KIAA1217: variants seen among roughly 807,000 people sequenced by gnomAD.
KIAA1217 encodes the protein sickle tail protein homolog.
Under a neutral mutation model 163.9 loss-of-function variants are expected in KIAA1217, and 88 were observed. That is an observed-to-expected ratio of 0.54 (90% CI 0.45 to 0.64). The LOEUF (loss-of-function observed/expected upper bound fraction) is 0.64. Among genes scored for constraint, KIAA1217 ranks in the 30% least tolerant of loss-of-function variants. KIAA1217 has a pLI of 0.00. For synonymous variants in KIAA1217, 903 were observed against 923.1 expected, an observed-to-expected ratio of 0.98 and a Z score of 0.39; for missense variants, 2,372 against 2,475.0, an observed-to-expected ratio of 0.96 and a Z score of 0.88.
chr10:24,502,587 C>A (rs924623320), intron 9 of KIAA1217, among the ~76,000 whole-genome samples: 1 of 152,134 alleles, frequency 6.6e-6, no homozygotes, highest in Non-Finnish European at 1.5e-5. Context: ...CTCTGTGCAC[C>A]TTCTCCCACC....
chr10:24,521,198 G>A (rs1422065381), intron 11 of KIAA1217, among the ~76,000 whole-genome samples: 1 of 151,958 alleles, frequency 6.6e-6, no homozygotes, highest in Non-Finnish European at 1.5e-5. Flanking sequence ...GCTGGGCATG[G>A]TGGCACAAAC....
At chr10:24,361,982 C>CAAAAAAAAAAAAAA (rs68117028) in intron 2 of KIAA1217, among the ~76,000 whole-genome samples, 9 of 100,560 alleles carry the variant, frequency 8.9e-5, no homozygotes, top group South Asian at 3.6e-4. Flanking sequence ...GACTCTGTCT[C>CAAAAAAAAAAAAAA]AAAAAAAAAA....
intron 9 of KIAA1217, among the ~76,000 whole-genome samples, 181 bp downstream of exon 9, chr10:24,501,726 C>CTTTTTT (rs1554909743): frequency 1.8e-5 from 2 of 111,528 alleles, no homozygotes; most frequent in African/African-American, 3.1e-5. Flanking sequence ...TCTATAACCA[C>CTTTTTT]TTCTTTTTTT....
intron 2 of KIAA1217, chr10:24,239,005 G>GT (rs956743957): frequency 9.5e-6 from 2 of 209,752 alleles, no homozygotes; most frequent in Non-Finnish European, 1.7e-5. Context: ...TCAGACGATT[G>GT]TTTAAGTCTT....
intron 1 of KIAA1217, among the ~76,000 whole-genome samples, chr10:23,718,569 G>C (rs1199696613): frequency 9.2e-5 from 14 of 151,894 alleles, no homozygotes; most frequent in Non-Finnish European, 1.5e-5. Flanking sequence ...AAGAGGATGT[G>C]GGTGGATAAA....
intron 1 of KIAA1217, among the ~76,000 whole-genome samples, chr10:23,786,408 G>T (rs1426206845): frequency 6.6e-6 from 1 of 151,976 alleles, no homozygotes; most frequent in African/African-American, 2.4e-5. Flanking sequence ...TCACAGTCAT[G>T]CCTCTATGAC....
intron 6 of KIAA1217, among the ~76,000 whole-genome samples, chr10:24,493,878 T>A (rs1035073579): frequency 6.6e-6 from 1 of 152,178 alleles, no homozygotes; most frequent in Admixed American, 6.5e-5. Flanking sequence ...CAAGCTGGTC[T>A]CAAACTCCTG....
intron 1 of KIAA1217, among the ~76,000 whole-genome samples, chr10:23,862,031 C>T (rs972432494): frequency 6.6e-6 from 1 of 152,102 alleles, no homozygotes; most frequent in African/African-American, 2.4e-5. Context: ...TAGTTCTGAA[C>T]TGGTCAATAT....
At chr10:24,036,774 C>G (rs761102698) in intron 2 of KIAA1217, among the ~76,000 whole-genome samples, 1 of 152,114 alleles carries the variant, frequency 6.6e-6, no homozygotes, top group Non-Finnish European at 1.5e-5. Flanking sequence ...CCACGAGGAC[C>G]GCAACAAGCC....
At position 24,517,330 on chromosome 10, in the gene KIAA1217, C is replaced by T. The variant is rs1397370427; in HGVS notation, c.2178-2793C>T. On this transcript the variant is annotated intron_variant, in intron 10 of 20. Transcript: ENST00000376454. Reference sequence around the variant, plus strand: ...GGTTATAAAAGACAGCTGGAAATAGCTAGAAGAGAAGAACTAGAATGTTTC... The same window carrying T: ...GGTTATAAAAGACAGCTGGAAATAGTTAGAAGAGAAGAACTAGAATGTTTC... 2.0e-5 allele frequency among the ~76,000 whole-genome samples: 3 copies of T among 152,084 alleles called. No homozygotes were observed. The South Asian group carries it at 6.2e-4, about 32-fold the overall frequency.
chr10:23,736,560 T>A (rs1417496907), intron 1 of KIAA1217, among the ~76,000 whole-genome samples: 1 of 152,192 alleles, frequency 6.6e-6, no homozygotes, highest in African/African-American at 2.4e-5. Flanking sequence ...TCTCGCTTTG[T>A]CACCCAGGCT....
intron 2 of KIAA1217, among the ~76,000 whole-genome samples, chr10:24,030,882 A>T (rs1848160070): frequency 6.6e-6 from 1 of 152,304 alleles, no homozygotes; most frequent in Non-Finnish European, 1.5e-5. Flanking sequence ...ATTCCATTTT[A>T]TGTATATACC....
At chr10:23,923,231 A>G (rs1044782910) in intron 1 of KIAA1217, among the ~76,000 whole-genome samples, 2 of 152,210 alleles carry the variant, frequency 1.3e-5, no homozygotes, top group Non-Finnish European at 2.9e-5. Flanking sequence ...ACTTAGAATA[A>G]CGGTCACCGG....
intron 2 of KIAA1217, among the ~76,000 whole-genome samples, chr10:24,299,605 G>A (rs1347539597): frequency 6.6e-6 from 1 of 152,068 alleles, no homozygotes; most frequent in Non-Finnish European, 1.5e-5. Context: ...TCCCTATGTT[G>A]CTCAGGCTGG....
intron 2 of KIAA1217, among the ~76,000 whole-genome samples, chr10:24,185,861 G>A (rs1321721384): frequency 6.6e-6 from 1 of 151,982 alleles, no homozygotes; most frequent in Non-Finnish European, 1.5e-5. Flanking sequence ...GCTACTAAGA[G>A]GCTGAGACAG....
intron 2 of KIAA1217, among the ~76,000 whole-genome samples, chr10:24,074,036 A>G (rs1254821602): frequency 1.3e-5 from 2 of 152,034 alleles, no homozygotes; most frequent in African/African-American, 4.8e-5. Flanking sequence ...CTGTCTCTAT[A>G]AAGAAGGTGC....
At position 24,034,691 on chromosome 10, in the gene KIAA1217, A is replaced by G. The variant is rs145191781; in HGVS notation, c.-171+27317A>G. Among the ~76,000 whole-genome samples, 9 of 152,286 alleles carry G rather than the reference A, an allele frequency of 5.9e-5. No individual in the cohort carries two copies. The East Asian group carries it at 7.7e-4, about 13-fold the overall frequency. ...GTGAAAAGTTCAAGAAGCCCAGCAG[A>G]CACTGTGCTCTGGCACCTTACACCT... On this transcript the variant is annotated intron_variant, in intron 2 of 18. Transcript: ENST00000376462.
Position 24,137,186 on chromosome 10 carries a change from A to G in KIAA1217, c.-170-82440A>G, listed in dbSNP as rs78725353. 3.9e-5 allele frequency among the ~76,000 whole-genome samples: 6 copies of G among 152,360 alleles called. No homozygotes were observed. In the East Asian group the frequency reaches 9.6e-4, roughly 25 times the overall value. On this transcript the variant is annotated intron_variant, in intron 2 of 18. Coordinates refer to the KIAA1217 transcript ENST00000376462. The stretch of plus-strand genomic sequence containing the variant: ...AAAGAATTGTTGACATCATCATCAT[A>G]TTGGAGACTACCTACATGTCAAAAG...
chr10:24,219,508 A>T lies in KIAA1217; in HGVS notation c.71-118A>T, dbSNP rs1342448177. On this transcript the variant is annotated intron_variant, in intron 1 of 20. Coordinates refer to ENST00000376454, the MANE Select transcript of KIAA1217 (RefSeq NM_019590.5). ...AGCAGAAAAAGAAAGAAAAAGAAAA[A>T]AGATTTGCGAAGTTAACATTCATAC... is the stretch of plus-strand genomic sequence containing the variant. 3 of 748,188 alleles carry T rather than the reference A, an allele frequency of 4.0e-6. No individual in the cohort carries two copies. The African/African-American group carries it at 5.5e-5, about 14-fold the overall frequency. 46.3% of individuals were successfully genotyped at this position (748,188 alleles called of 1,614,324 possible).
Sources: allele counts gnomAD v4.1 joint callset (sites outside exome capture counted in the v4.1 genomes callset), GRCh38; gene constraint gnomAD v4.1.1; transcripts MANE v1.5; gene names NCBI Gene and HGNC (gene_info 2026-07-23, HGNC 2026-07-21).